Variants in SRSF5 observed in about 807,000 individuals in gnomAD.
SRSF5 encodes the protein serine and arginine rich splicing factor 5.
In SRSF5, 5 loss-of-function variants were observed where a neutral mutation model predicts 34.0. That is an observed-to-expected ratio of 0.15 (90% CI 0.08 to 0.31). The LOEUF (loss-of-function observed/expected upper bound fraction) is 0.31. Among genes scored for constraint, SRSF5 ranks in the 10% least tolerant of loss-of-function variants. The pLI, the probability that SRSF5 is intolerant of heterozygous loss-of-function variation, is 1.00. For synonymous variants in SRSF5, 164 were observed against 117.7 expected (o/e 1.39, Z -2.55); for missense variants, 223 against 351.4 (o/e 0.63, Z 2.92).
chr14:69,767,278 A>C, intron 1 of SRSF5, 23 bp downstream of exon 1: 2 of 405,140 alleles, frequency 4.9e-6, no homozygotes, highest in Non-Finnish European at 9.5e-6. Context: ...CTTTGAGGGC[A>C]AGCCTTCTCG....
Position 69,768,100 on chromosome 14 carries a change from G to A in SRSF5, c.-19-38G>A, listed in dbSNP as rs141646233. The A allele has an allele frequency of 1.9e-6, 3 of 1,609,236 alleles. No homozygotes were observed. In the Admixed American group the frequency reaches 5.0e-5, roughly 27 times the overall value. ...TTTAATCAGGCGTTTCTCTGTGACA[G>A]TCATTGCTATTATCTCGATTGAATT... On this transcript the variant is annotated intron_variant, in intron 1 of 7. Transcript: ENST00000557154.
In SRSF5 at chr14:69,771,524, C is replaced by A; in HGVS notation, c.*63C>A. The A allele has an allele frequency of 6.4e-7, 1 of 1,565,528 alleles. No homozygotes were observed. The highest frequency in any genetic ancestry group is 8.6e-7 in the Non-Finnish European group (1 of 1,157,616). On this transcript the variant is annotated 3_prime_UTR_variant, in exon 8 of 8. Transcript: ENST00000557154. ...AACAAAAACCACAAAAATTCCCAAA[C>A]CATACTTGCTAAAAATTCTGGTAAG...
At chr14:69,768,698 A>G in intron 3 of SRSF5, 24 bp downstream of exon 3, 1 of 1,613,384 alleles carries the variant, frequency 6.2e-7, no homozygotes, top group South Asian at 1.1e-5. Flanking sequence ...GTAACTAGAT[A>G]ACCCTGGGAC....
intron 6 of SRSF5, 126 bp from the exon 7 acceptor site, chr14:69,770,869 C>G: frequency 1.2e-6 from 1 of 867,790 alleles, no homozygotes; most frequent in Non-Finnish European, 1.8e-6. Context: ...GCTGTGTTAT[C>G]CAGAAATAAG....
intron 5 of SRSF5, chr14:69,770,258 C>A: frequency 7.5e-7 from 1 of 1,342,222 alleles, no homozygotes; most frequent in Non-Finnish European, 9.5e-7. Flanking sequence ...TTTCTTTTAG[C>A]ATTTTGCTTA....
At chr14:69,770,177 T>G in intron 5 of SRSF5, 1 of 1,105,024 alleles carries the variant, frequency 9.0e-7, no homozygotes, top group Non-Finnish European at 1.1e-6. Flanking sequence ...TTTGTTGTTT[T>G]TTTGTTTGTT....
intron 1 of SRSF5, 62 bp from the exon 2 acceptor site, chr14:69,768,076 T>TGA: frequency 6.4e-7 from 1 of 1,572,006 alleles, no homozygotes; most frequent in African/African-American, 1.4e-5. Context: ...TTTTGATTGT[T>TGA]TAATCAGGCG....
Position 69,767,266 on chromosome 14 carries a change from C to T in SRSF5, c.-20+11C>T, listed in dbSNP as rs752821443. The T allele has an allele frequency of 2.5e-6, 1 of 393,272 alleles. No homozygotes were observed. Among genetic ancestry groups the T allele is most frequent in the Non-Finnish European group, 4.9e-6 (1 of 203,788 alleles). The allele number at this position is 393,272 out of a possible 1,614,324, so 24.4% of individuals were successfully genotyped here. Reference sequence around the variant, plus strand: ...GACCCCGTCCGGTAGGTGAGTGGCTCACTTTGAGGGCAAGCCTTCTCGGAT... The same window carrying T: ...GACCCCGTCCGGTAGGTGAGTGGCTTACTTTGAGGGCAAGCCTTCTCGGAT... On this transcript the variant is annotated intron_variant, in intron 1 of 7. Coordinates refer to ENST00000557154, the MANE Select transcript of SRSF5 (RefSeq NM_001320214.2).
chr14:69,771,598 C>G lies in SRSF5; in HGVS notation c.*137C>G. Reference sequence around the variant, plus strand: ...GATTTGGAAGGGGGGTTGGGTTGGGCTGGATATCTTTGTAGATGTGGACCA... The same window carrying G: ...GATTTGGAAGGGGGGTTGGGTTGGGGTGGATATCTTTGTAGATGTGGACCA... On this transcript the variant is annotated 3_prime_UTR_variant, in exon 8 of 8. Coordinates refer to ENST00000557154, the MANE Select transcript of SRSF5 (RefSeq NM_001320214.2). 3.0e-6 allele frequency: 3 copies of G among 989,656 alleles called. No homozygotes were observed. The African/African-American group carries it at 4.9e-5, about 16-fold the overall frequency. 61.3% of individuals were successfully genotyped at this position (989,656 alleles called of 1,614,324 possible). A position where few individuals can be genotyped will look rare whatever the true frequency, so the allele number is the denominator to read the frequency against.
At chr14:69,770,214 A>C in intron 5 of SRSF5, 6 of 1,250,872 alleles carry the variant, frequency 4.8e-6, no homozygotes, top group Non-Finnish European at 5.0e-6. Flanking sequence ...TGAGCTCAGC[A>C]TAGACTAATA....
chr14:69,769,629 G>A, intron 5 of SRSF5: 1 of 1,534,730 alleles, frequency 6.5e-7, no homozygotes, highest in Non-Finnish European at 8.7e-7. Context: ...GTGATCAGTT[G>A]GCCACCTCTA....
intron 5 of SRSF5, chr14:69,769,989 C>T: frequency 9.6e-7 from 1 of 1,038,004 alleles, no homozygotes; most frequent in Non-Finnish European, 1.2e-6. Flanking sequence ...ATGAAGGTTT[C>T]TCCGACCGAT....
At chr14:69,767,443 G>C in intron 1 of SRSF5, 188 bp downstream of exon 1, 1 of 455,994 alleles carries the variant, frequency 2.2e-6, no homozygotes, top group Non-Finnish European at 4.4e-6. Flanking sequence ...GTGAAAGGGC[G>C]GTCACTGTTC....
At chr14:69,770,273 C>T in intron 5 of SRSF5, 194 bp from the exon 6 acceptor site, 1 of 1,371,564 alleles carries the variant, frequency 7.3e-7, no homozygotes, top group South Asian at 1.7e-5. Context: ...TGCTTAAAAG[C>T]AATATGCTAT....
chr14:69,771,786 T>C lies in SRSF5; in HGVS notation c.*325T>C, dbSNP rs985812872. Reference sequence around the variant, plus strand: ...GTACTAGAAAAAAATTTGAACATTTTAGTTCTTGGTTATAAAAATGTTAAT... The same window carrying C: ...GTACTAGAAAAAAATTTGAACATTTCAGTTCTTGGTTATAAAAATGTTAAT... On this transcript the variant is annotated 3_prime_UTR_variant, in exon 8 of 8. Transcript: ENST00000557154. 6 of 235,192 alleles carry C rather than the reference T, an allele frequency of 2.6e-5. No homozygotes were observed. The highest frequency in any genetic ancestry group is 5.0e-5 in the Non-Finnish European group (6 of 120,140). The allele number at this position is 235,192 out of a possible 1,614,324, so 14.6% of individuals were successfully genotyped here.
In SRSF5 at chr14:69,769,078, C is replaced by T. The variant is rs1566626507; in HGVS notation, c.297-104C>T. On this transcript the variant is annotated intron_variant, in intron 4 of 7. Transcript: ENST00000557154. The stretch of plus-strand genomic sequence containing the variant: ...AGAACACAAATCTATTGACGGAAGT[C>T]ATTAGAATGGCTTGTGATATCTGAT... 5 of 1,406,808 alleles carry T rather than the reference C, an allele frequency of 3.6e-6. No homozygotes were observed. In the East Asian group the frequency reaches 9.3e-5, roughly 26 times the overall value. The allele number at this position is 1,406,808 out of a possible 1,614,324, so 87.1% of individuals were successfully genotyped here.
rs532271724 is a variant in SRSF5, at chr14:69,768,439, C to A, written c.126+157C>A. On this transcript the variant is annotated intron_variant, in intron 2 of 7. Coordinates refer to ENST00000557154, the MANE Select transcript of SRSF5 (RefSeq NM_001320214.2). ...TGAGGCTGAAAACAACTTTAACTTG[C>A]CGGCTCACTGGAACCCCACTCCCAG... 9.4e-5 allele frequency: 121 copies of A among 1,280,868 alleles called. 1 individual carries two copies. Among genetic ancestry groups the A allele is most frequent in the Middle Eastern group, 8.3e-4 (3 of 3,632 alleles). 79.3% of individuals were successfully genotyped at this position (1,280,868 alleles called of 1,614,324 possible).
chr14:69,767,557 G>A (rs2139680227), intron 1 of SRSF5: 1 of 456,006 alleles, frequency 2.2e-6, no homozygotes, highest in African/African-American at 2.0e-5. Flanking sequence ...GACTTTGCTG[G>A]CGATGCGGCT....
At chr14:69,767,675 C>T (rs1377531977) in intron 1 of SRSF5, 4 of 366,244 alleles carry the variant, frequency 1.1e-5, no homozygotes, top group Non-Finnish European at 2.2e-5. Context: ...ATTCCACCGC[C>T]GCCATTTTGT....
Sources: gnomAD v4.1 joint callset for allele counts on GRCh38, gnomAD v4.1.1 for gene constraint, MANE v1.5 for transcripts, NCBI Gene and HGNC (gene_info 2026-07-23, HGNC 2026-07-21) for gene names.